Variants in SWT1 observed in about 807,000 individuals in gnomAD.
SWT1 encodes the protein SWT1 RNA endoribonuclease homolog.
Under a neutral mutation model 107.3 loss-of-function variants are expected in SWT1, and 33 were observed. The ratio of observed to expected loss-of-function variants is 0.31; its 90% CI spans 0.23 to 0.41. The LOEUF (loss-of-function observed/expected upper bound fraction) is 0.41, where lower values mean the gene tolerates loss of function less well. SWT1 is among the 10% of genes least tolerant of loss of function. SWT1 has a pLI of 1.00. For missense variants in SWT1, 898 were observed against 1,028.9 expected (o/e 0.87, Z 1.74); for synonymous variants, 345 against 348.3 (o/e 0.99, Z 0.11).
chr1:185,264,283 T>G, intron 16 of SWT1: 3 of 902,338 alleles, frequency 3.3e-6, no homozygotes, highest in Non-Finnish European at 2.7e-6. Context: ...TTTTTCTTGA[T>G]TTCTCCTATT....
intron 1 of SWT1, among the ~76,000 whole-genome samples, chr1:185,159,358 C>G (rs1054643990): frequency 6.6e-6 from 1 of 152,022 alleles, no homozygotes; most frequent in Non-Finnish European, 1.5e-5. Context: ...AACATTTGTC[C>G]GAATAAACAT....
At chr1:185,179,882 T>C (rs149659461) in intron 5 of SWT1, among the ~76,000 whole-genome samples, 50 of 152,342 alleles carry the variant, frequency 3.3e-4, no homozygotes, top group African/African-American at 1.2e-3. Flanking sequence ...GGAAACATTT[T>C]CGATTGTCAA....
chr1:185,197,742 A>G (rs1333408671), intron 10 of SWT1, among the ~76,000 whole-genome samples: 1 of 152,140 alleles, frequency 6.6e-6, no homozygotes, highest in East Asian at 1.9e-4. Flanking sequence ...GTTTATTTGC[A>G]TAAAGGTGTT....
rs1361608948 is a variant in SWT1 at position 185,291,412 on chromosome 1, T to C, written c.*609T>C. 6.6e-6 allele frequency: 1 copy of C among 152,634 alleles called. No individual in the cohort carries two copies. Among genetic ancestry groups the C allele is most frequent in the Non-Finnish European group, 1.5e-5 (1 of 68,046 alleles). 9.5% of individuals were successfully genotyped at this position (152,634 alleles called of 1,614,324 possible). A position where few individuals can be genotyped will look rare whatever the true frequency, so the allele number is the denominator to read the frequency against. ...CTTCTGTGGGCTTGTCACTTTTCAGTACATTTCTAGTGGGGAAGAGCAGGG... is the reference window on the plus strand; with the variant it reads ...CTTCTGTGGGCTTGTCACTTTTCAGCACATTTCTAGTGGGGAAGAGCAGGG... On this transcript the variant is annotated 3_prime_UTR_variant, in exon 19 of 19. Transcript: ENST00000367500.
intron 14 of SWT1, among the ~76,000 whole-genome samples, chr1:185,221,408 A>G (rs1028236251): frequency 6.6e-6 from 1 of 152,032 alleles, no homozygotes; most frequent in Non-Finnish European, 1.5e-5. Context: ...GTGGTTCACC[A>G]TTACCCATAA....
intron 16 of SWT1, among the ~76,000 whole-genome samples, chr1:185,260,259 A>G (rs996854872): frequency 5.3e-5 from 8 of 152,138 alleles, no homozygotes; most frequent in African/African-American, 1.7e-4. Context: ...ACAAAGGATA[A>G]GGGTAGGTAC....
chr1:185,280,682 A>G (rs969518605), intron 18 of SWT1, among the ~76,000 whole-genome samples: 1 of 152,288 alleles, frequency 6.6e-6, no homozygotes, highest in Non-Finnish European at 1.5e-5. Context: ...ATAATCCATC[A>G]TGCCTACAGG....
chr1:185,285,694 T>C (rs1221649879), intron 18 of SWT1, among the ~76,000 whole-genome samples: 1 of 152,226 alleles, frequency 6.6e-6, no homozygotes, highest in African/African-American at 2.4e-5. Flanking sequence ...TTGATCCATT[T>C]TGAGTTAATT....
intron 16 of SWT1, among the ~76,000 whole-genome samples, chr1:185,253,175 G>T (rs1418923308): frequency 3.4e-5 from 5 of 148,850 alleles, no homozygotes; most frequent in African/African-American, 1.2e-4. Context: ...ATGCTGTTTT[G>T]GTTACTGTAG....
chr1:185,272,295 A>G (rs527636677), intron 17 of SWT1, among the ~76,000 whole-genome samples: 324 of 152,292 alleles, frequency 2.1e-3, no homozygotes, highest in African/African-American at 7.4e-3. Context: ...TCTGTTGTCA[A>G]TTTCTGTGTG....
intron 12 of SWT1, 110 bp from the exon 13 acceptor site, chr1:185,206,515 C>T (rs1571501743): frequency 9.1e-6 from 5 of 550,452 alleles, no homozygotes; most frequent in South Asian, 5.6e-5. Context: ...AAAAAGAATC[C>T]AACTAATTAT....
chr1:185,267,899 CAAG>C (rs1195192874), intron 16 of SWT1, among the ~76,000 whole-genome samples: 1 of 152,160 alleles, frequency 6.6e-6, no homozygotes, highest in African/African-American at 2.4e-5. Flanking sequence ...GCTGACCTCT[CAAG>C]AATTTTGTGT....
chr1:185,274,199 A>G (rs1664079652), intron 17 of SWT1, among the ~76,000 whole-genome samples: 1 of 150,886 alleles, frequency 6.6e-6, no homozygotes, highest in Non-Finnish European at 1.5e-5. Flanking sequence ...AAAAATTTAA[A>G]AATTAAAAAA....
chr1:185,180,720 ATAT>A, intron 6 of SWT1, among the ~76,000 whole-genome samples: 1 of 152,216 alleles, frequency 6.6e-6, no homozygotes, highest in Non-Finnish European at 1.5e-5. Flanking sequence ...TTTTGATTTA[ATAT>A]TATGACACTT....
chr1:185,232,491 G>C (rs144690853), intron 16 of SWT1, among the ~76,000 whole-genome samples: 16 of 152,156 alleles, frequency 1.1e-4, no homozygotes, highest in Non-Finnish European at 2.2e-4. Flanking sequence ...TATGACCTCT[G>C]AATCCAAACA....
intron 3 of SWT1, 98 bp downstream of exon 3, chr1:185,166,750 A>G (rs975238914): frequency 4.2e-5 from 31 of 731,804 alleles, no homozygotes; most frequent in African/African-American, 3.4e-4. Flanking sequence ...TTGATAGCCA[A>G]TAGAAAGTCA....
intron 16 of SWT1, among the ~76,000 whole-genome samples, chr1:185,269,141 C>T (rs563865425): frequency 8.7e-4 from 132 of 152,180 alleles, no homozygotes; most frequent in African/African-American, 3.0e-3. Context: ...CGTGAGCCAC[C>T]GCGCCTGGCC....
chr1:185,180,181 C>CT (rs932642721), intron 5 of SWT1, among the ~76,000 whole-genome samples: 7 of 151,904 alleles, frequency 4.6e-5, no homozygotes, highest in African/African-American at 1.7e-4. Context: ...GAGACCCTGT[C>CT]TTTAAAAAAA....
intron 16 of SWT1, among the ~76,000 whole-genome samples, chr1:185,259,364 G>A (rs555096492): frequency 6.6e-6 from 1 of 152,248 alleles, no homozygotes; most frequent in Non-Finnish European, 1.5e-5. Flanking sequence ...AAATAGAGAG[G>A]AAGAAACTAC....
Sources: allele counts gnomAD v4.1 joint callset (sites outside exome capture counted in the v4.1 genomes callset), GRCh38; gene constraint gnomAD v4.1.1; transcripts MANE v1.5; gene names NCBI Gene and HGNC (gene_info 2026-07-23, HGNC 2026-07-21).